Variants in DISC1 observed in about 807,000 individuals in gnomAD.
DISC1 encodes the protein DISC1 scaffold protein.
DISC1 carries 57 observed loss-of-function variants against 84.5 expected under a neutral mutation model. The observed-to-expected ratio is 0.67, with a 90% CI of 0.55 to 0.84. DISC1 has a LOEUF of 0.84. DISC1 is among the 40% of genes least tolerant of loss of function. DISC1 has a pLI of 0.00. For synonymous variants in DISC1, 411 were observed against 415.2 expected (o/e 0.99, Z 0.12); for missense variants, 1,000 against 1,057.8 (o/e 0.95, Z 0.76).
intron 9 of DISC1, among the ~76,000 whole-genome samples, chr1:231,880,190 G>A (rs1248578107): frequency 6.6e-6 from 1 of 152,176 alleles, no homozygotes; most frequent in Non-Finnish European, 1.5e-5. Flanking sequence ...TAGTATATTA[G>A]CATGCTCAGC....
At chr1:232,010,469 T>C (rs201226353) in intron 11 of DISC1, among the ~76,000 whole-genome samples, 1 of 152,160 alleles carries the variant, frequency 6.6e-6, no homozygotes, top group Non-Finnish European at 1.5e-5. Flanking sequence ...AGGTATGTGA[T>C]GGAGTCCCTG....
chr1:231,848,418 G>A (rs1344374269), intron 9 of DISC1, among the ~76,000 whole-genome samples: 1 of 152,188 alleles, frequency 6.6e-6, no homozygotes, highest in Non-Finnish European at 1.5e-5. Flanking sequence ...AGTTCCTCTA[G>A]GGTGGTGCTT....
At chr1:231,922,267 C>T (rs1001043218) in intron 9 of DISC1, among the ~76,000 whole-genome samples, 3 of 152,328 alleles carry the variant, frequency 2.0e-5, no homozygotes, top group Admixed American at 1.3e-4. Flanking sequence ...GACAGACATG[C>T]ACCTTGTCTT....
intron 10 of DISC1, among the ~76,000 whole-genome samples, chr1:231,963,329 G>GA (rs1660647394): frequency 6.6e-6 from 1 of 152,004 alleles, no homozygotes; most frequent in African/African-American, 2.4e-5. Context: ...ATATTCGATT[G>GA]AATCATGTGA....
At chr1:231,879,274 A>G (rs1034784577) in intron 9 of DISC1, among the ~76,000 whole-genome samples, 1 of 152,018 alleles carries the variant, frequency 6.6e-6, no homozygotes. Flanking sequence ...AGACTGTACT[A>G]TGAGCTACTT....
chr1:231,777,611 G>C (rs1172852001), intron 6 of DISC1, among the ~76,000 whole-genome samples: 1 of 152,180 alleles, frequency 6.6e-6, no homozygotes, highest in African/African-American at 2.4e-5. Flanking sequence ...TGAGACAGAA[G>C]TGTGTGAGCA....
chr1:231,738,409 C>T (rs966123535), intron 3 of DISC1, among the ~76,000 whole-genome samples: 1 of 152,216 alleles, frequency 6.6e-6, no homozygotes, highest in Non-Finnish European at 1.5e-5. Context: ...TCTCTGTCTT[C>T]CATGTCCTTG....
intron 11 of DISC1, among the ~76,000 whole-genome samples, chr1:232,026,170 G>A (rs995811673): frequency 6.6e-6 from 1 of 152,048 alleles, no homozygotes; most frequent in South Asian, 2.1e-4. Flanking sequence ...AATCCACTTC[G>A]GGACTTGACA....
intron 10 of DISC1, among the ~76,000 whole-genome samples, chr1:231,998,936 A>C (rs1418897441): frequency 1.3e-5 from 2 of 152,166 alleles, no homozygotes; most frequent in African/African-American, 4.8e-5. Flanking sequence ...TGAGGTGAAA[A>C]TACATTAAAG....
intron 3 of DISC1, among the ~76,000 whole-genome samples, chr1:231,747,215 G>A (rs1176022647): frequency 6.6e-6 from 1 of 152,206 alleles, no homozygotes; most frequent in Non-Finnish European, 1.5e-5. Context: ...ACAGGTGTGA[G>A]CCATTGGGCC....
intron 1 of DISC1, among the ~76,000 whole-genome samples, chr1:231,656,194 G>A (rs1174830446): frequency 2.0e-5 from 3 of 152,066 alleles, no homozygotes; most frequent in African/African-American, 4.8e-5. Context: ...CCTAGGTTTT[G>A]TTCTAGAATT....
chr1:231,996,119 T>G (rs1415784000), intron 10 of DISC1, among the ~76,000 whole-genome samples: 1 of 152,212 alleles, frequency 6.6e-6, no homozygotes, highest in Admixed American at 6.5e-5. Flanking sequence ...TCATGTGTCT[T>G]TTGGCTGCAT....
At chr1:231,633,884 C>CT (rs547057206) in intron 1 of DISC1, among the ~76,000 whole-genome samples, 61,482 of 135,388 alleles carry the variant, frequency 0.45, 14,625 homozygotes, top group East Asian at 0.82. Context: ...TACCTGTCAT[C>CT]TTTTTTTTTT....
intron 1 of DISC1, among the ~76,000 whole-genome samples, chr1:231,632,144 T>C (rs2082552): frequency 0.17 from 25,571 of 152,216 alleles, 3,033 homozygotes; most frequent in East Asian, 0.49. Flanking sequence ...CTATACAATA[T>C]AGCTTAGGTG....
chr1:231,784,577 G>T (rs997673905), intron 6 of DISC1, among the ~76,000 whole-genome samples: 9 of 152,318 alleles, frequency 5.9e-5, no homozygotes, highest in Non-Finnish European at 1.3e-4. Context: ...TTATGTGCCT[G>T]ATTTTGGTCA....
chr1:231,627,955 G>T (rs1339231149), intron 1 of DISC1, among the ~76,000 whole-genome samples: 1 of 152,212 alleles, frequency 6.6e-6, no homozygotes, highest in Non-Finnish European at 1.5e-5. Context: ...AGGAGACTAT[G>T]ACAGTACCTG....
chr1:231,771,357 C>T (rs2812386), intron 6 of DISC1: 20,564 of 985,384 alleles, frequency 0.021, 247 homozygotes, highest in Middle Eastern at 0.025. Flanking sequence ...CACCCTCTCT[C>T]CCTTTGAGAA....
intron 9 of DISC1, among the ~76,000 whole-genome samples, chr1:231,916,654 C>CAAAAAAAAAA (rs3083755): frequency 9.8e-6 from 1 of 102,084 alleles, no homozygotes; most frequent in Non-Finnish European, 2.1e-5. Flanking sequence ...GACTCCGTCT[C>CAAAAAAAAAA]AAAAAAAAAA....
chr1:231,795,608 G>C (rs767631011), intron 7 of DISC1, among the ~76,000 whole-genome samples: 1 of 152,222 alleles, frequency 6.6e-6, no homozygotes, highest in Non-Finnish European at 1.5e-5. Flanking sequence ...TGCATTCGGG[G>C]CTTGGTGCGG....
Sources: allele counts gnomAD v4.1 joint callset (sites outside exome capture counted in the v4.1 genomes callset), GRCh38; gene constraint gnomAD v4.1.1; transcripts MANE v1.5; gene names NCBI Gene and HGNC (gene_info 2026-07-23, HGNC 2026-07-21).